The following ARHGAP6 variants were observed in gnomAD, a reference collection of about 807,000 sequenced individuals.
ARHGAP6 encodes the protein Rho GTPase activating protein 6, also known as rho GTPase-activating protein 6.
ARHGAP6 carries 16 observed loss-of-function variants against 55.7 expected under a neutral mutation model. The observed-to-expected ratio is 0.29, with a 90% CI of 0.19 to 0.44. The LOEUF (loss-of-function observed/expected upper bound fraction) is 0.44, where lower values mean the gene tolerates loss of function less well. Ranked by LOEUF, ARHGAP6 falls within the 20% of genes least tolerant of loss-of-function variation. The pLI is 1.00. For synonymous variants in ARHGAP6, 382 were observed against 360.9 expected (o/e 1.06, Z -0.66); for missense variants, 698 against 808.9 (o/e 0.86, Z 1.66).
intron 1 of ARHGAP6, among the ~76,000 whole-genome samples, chrX:11,372,666 G>A (rs1165522658): frequency 9.4e-6 from 1 of 106,406 alleles, no homozygotes. Context: ...CAGCTACTCG[G>A]GAAGCTGAGG....
At chrX:11,264,498 G>A (rs1453840821) in intron 1 of ARHGAP6, among the ~76,000 whole-genome samples, 2 of 111,656 alleles carry the variant, frequency 1.8e-5, no homozygotes, top group Non-Finnish European at 3.8e-5. Context: ...AGAGCAAAAG[G>A]TCAATTTCAT....
At chrX:11,422,391 T>C (rs2049832895) in intron 1 of ARHGAP6, among the ~76,000 whole-genome samples, 2 of 111,330 alleles carry the variant, frequency 1.8e-5, no homozygotes, top group Admixed American at 9.5e-5. Flanking sequence ...ATGATAAGCT[T>C]GTGGAGTGGG....
intron 1 of ARHGAP6, among the ~76,000 whole-genome samples, chrX:11,362,269 G>C (rs370447391): frequency 9.0e-6 from 1 of 111,353 alleles, no homozygotes; most frequent in African/African-American, 3.3e-5. Context: ...TGTCCAACAA[G>C]GATAGACTGG....
intron 2 of ARHGAP6, among the ~76,000 whole-genome samples, chrX:11,205,706 A>G (rs1251911625): frequency 5.4e-5 from 6 of 111,486 alleles, no homozygotes; most frequent in Admixed American, 1.9e-4. Context: ...AATCTCAGAT[A>G]ATTTCTCCTG....
chrX:11,584,903 G>A (rs2051709793), intron 1 of ARHGAP6, among the ~76,000 whole-genome samples: 1 of 111,712 alleles, frequency 9.0e-6, no homozygotes, highest in Non-Finnish European at 1.9e-5. Flanking sequence ...TCAGTGTCAT[G>A]GAGGCTTGTT....
intron 1 of ARHGAP6, among the ~76,000 whole-genome samples, chrX:11,329,226 G>T (rs1048720259): frequency 2.7e-5 from 3 of 111,902 alleles, no homozygotes; most frequent in Non-Finnish European, 5.6e-5. Context: ...CCTGGTGCTA[G>T]AGAGATGATT....
intron 7 of ARHGAP6, 148 bp downstream of exon 7, chrX:11,179,154 T>C: frequency 3.6e-6 from 2 of 558,586 alleles, no homozygotes. Flanking sequence ...AGGGTAAATC[T>C]GAGAAATTCC....
chrX:11,506,698 A>T (rs1258648337), intron 1 of ARHGAP6, among the ~76,000 whole-genome samples: 1 of 111,843 alleles, frequency 8.9e-6, no homozygotes, highest in Non-Finnish European at 1.9e-5. Context: ...CGCAATAAAC[A>T]TACGTGTGCA....
At chrX:11,260,105 C>T (rs749965892) in intron 1 of ARHGAP6, among the ~76,000 whole-genome samples, 34 of 110,673 alleles carry the variant, frequency 3.1e-4, no homozygotes, top group Admixed American at 7.8e-4. Context: ...TTTGAAAGAG[C>T]TTGGCTGCTA....
chrX:11,235,854 T>A (rs928212705), intron 2 of ARHGAP6, among the ~76,000 whole-genome samples: 6 of 111,745 alleles, frequency 5.4e-5, no homozygotes, highest in African/African-American at 2.0e-4. Flanking sequence ...TCAAAGCCAT[T>A]CAACAAGTCT....
At chrX:11,615,538 T>C (rs976582565) in intron 1 of ARHGAP6, among the ~76,000 whole-genome samples, 8 of 112,032 alleles carry the variant, frequency 7.1e-5, no homozygotes, top group African/African-American at 2.6e-4. Context: ...ATTTCAAATT[T>C]GATCAACTCA....
intron 2 of ARHGAP6, among the ~76,000 whole-genome samples, chrX:11,207,081 T>A (rs1451236640): frequency 8.9e-6 from 1 of 111,966 alleles, no homozygotes. Context: ...CTGCCTCAAA[T>A]GTCTTCCTGG....
intron 1 of ARHGAP6, among the ~76,000 whole-genome samples, chrX:11,546,927 G>A (rs997428396): frequency 2.2e-4 from 25 of 111,753 alleles, no homozygotes; most frequent in Non-Finnish European, 3.4e-4. Context: ...CAAAGGCTTC[G>A]CTTGTTAGTA....
chrX:11,566,998 A>G (rs1179349777), intron 1 of ARHGAP6, among the ~76,000 whole-genome samples: 1 of 112,177 alleles, frequency 8.9e-6, no homozygotes, highest in Non-Finnish European at 1.9e-5. Flanking sequence ...AGTAAAAATA[A>G]CAATGCCCAC....
rs775959764 is a variant in ARHGAP6 at position 11,427,815 on chromosome X, A to AGAGGAG, written c.589-173114_589-173109dup. On this transcript the variant is annotated intron_variant, in intron 1 of 12. Coordinates refer to ENST00000337414, the MANE Select transcript of ARHGAP6 (RefSeq NM_013427.3). ...GCAGCGGCGCGAAGGGGGAGGGGGAAGAGGAGGAGGAGGAGGAGGAGGAGG... is the reference window on the plus strand; with the variant it reads ...GCAGCGGCGCGAAGGGGGAGGGGGAAGAGGAGGAGGAGGAGGAGGAGGAGGAGGAGG... 1,357 of 192,902 alleles carry AGAGGAG rather than the reference A, an allele frequency of 7.0e-3. 37 individuals carry two copies. Among genetic ancestry groups the AGAGGAG allele is most frequent in the South Asian group, 0.013 (54 of 4,285 alleles). The allele number at this position is 192,902 out of a possible 1,213,427, so 15.9% of individuals were successfully genotyped here.
At chrX:11,590,345 T>C (rs754318786) in intron 1 of ARHGAP6, among the ~76,000 whole-genome samples, 2 of 111,560 alleles carry the variant, frequency 1.8e-5, no homozygotes, top group South Asian at 3.7e-4. Context: ...CAATAATACA[T>C]ATGCAGTTGT....
At chrX:11,184,952 G>A (rs2046367168) in intron 5 of ARHGAP6, among the ~76,000 whole-genome samples, 1 of 112,124 alleles carries the variant, frequency 8.9e-6, no homozygotes. Flanking sequence ...GTAGAGCCTA[G>A]TGCTCCTACA....
chrX:11,468,318 C>T (rs1187620328), intron 1 of ARHGAP6, among the ~76,000 whole-genome samples: 12 of 112,156 alleles, frequency 1.1e-4, no homozygotes, highest in Admixed American at 9.4e-4. Context: ...TTAAGCATAG[C>T]TGAATCAGTA....
At chrX:11,245,284 C>G (rs1353274616) in intron 2 of ARHGAP6, among the ~76,000 whole-genome samples, 1 of 111,875 alleles carries the variant, frequency 8.9e-6, no homozygotes, top group Non-Finnish European at 1.9e-5. Context: ...GCAGCTAGAC[C>G]TTAAAGCCCC....
Sources: allele counts gnomAD v4.1 joint callset (sites outside exome capture counted in the v4.1 genomes callset), GRCh38; gene constraint gnomAD v4.1.1; transcripts MANE v1.5; gene names NCBI Gene and HGNC (gene_info 2026-07-23, HGNC 2026-07-21).